Variants in MINDY4 observed in about 807,000 individuals in gnomAD.
MINDY4 encodes probable ubiquitin carboxyl-terminal hydrolase MINDY-4.
A neutral mutation model predicts 87.0 loss-of-function variants in MINDY4; 68 were observed. The ratio of observed to expected loss-of-function variants is 0.78; its 90% CI spans 0.64 to 0.96. The LOEUF (loss-of-function observed/expected upper bound fraction) is 0.96. MINDY4 is among the 40% of genes least tolerant of loss of function. The pLI, the probability that MINDY4 is intolerant of heterozygous loss-of-function variation, is 0.00. For missense variants in MINDY4, 919 were observed against 928.2 expected, an observed-to-expected ratio of 0.99 and a Z score of 0.13; for synonymous variants, 379 against 363.2, an observed-to-expected ratio of 1.04 and a Z score of -0.50.
chr7:30,840,654 A>C, intron 8 of MINDY4, 106 bp from the exon 9 acceptor site: 889 of 719,422 alleles, frequency 1.2e-3, no homozygotes, highest in Non-Finnish European at 1.7e-3. Context: ...TGCAGAAGGC[A>C]GGGCCCCTTT....
Position 30,842,905 on chromosome 7 carries a change from G to T in MINDY4, c.1445+2057G>T, listed in dbSNP as rs180921626. Among the ~76,000 whole-genome samples, 206 of 152,222 alleles carry T rather than the reference G, an allele frequency of 1.4e-3. 1 individual carries two copies. The highest frequency in any genetic ancestry group is 4.5e-3 in the African/African-American group (187 of 41,526). On this transcript the variant is annotated intron_variant, in intron 9 of 17. Coordinates refer to ENST00000265299, the MANE Select transcript of MINDY4 (RefSeq NM_032222.3). The stretch of plus-strand genomic sequence containing the variant: ...GCTGTGCCTGCTGGCTCCTCTCATT[G>T]CACAGAGGCCACATCTTTGTGGAGG...
chr7:30,887,674 C>G (rs543752030), intron 17 of MINDY4, among the ~76,000 whole-genome samples: 3 of 152,196 alleles, frequency 2.0e-5, no homozygotes, highest in African/African-American at 7.2e-5. Flanking sequence ...TGGTGGGGGT[C>G]GTGTTCATGC....
intron 4 of MINDY4, among the ~76,000 whole-genome samples, chr7:30,789,435 C>T (rs754536735): frequency 2.0e-5 from 3 of 152,140 alleles, no homozygotes; most frequent in Admixed American, 1.3e-4. Flanking sequence ...GTACCTTGGC[C>T]GTACTTATTG....
chr7:30,808,939 GA>G (rs772659888), intron 5 of MINDY4, among the ~76,000 whole-genome samples: 1,376 of 57,712 alleles, frequency 0.024, 12 homozygotes, highest in South Asian at 0.039. Context: ...CAAGGAGAGA[GA>G]GAGAGAGAGA....
Position 30,841,573 on chromosome 7 carries a change from C to T in MINDY4, c.1445+725C>T, listed in dbSNP as rs149922924. ...GCCTCTCTTTCCCTCCCTGCAGGCC[C>T]GGTTACCAGCTTGTACCGAGTCACC... is the stretch of plus-strand genomic sequence containing the variant. On this transcript the variant is annotated intron_variant, in intron 9 of 17. Coordinates refer to ENST00000265299, the MANE Select transcript of MINDY4 (RefSeq NM_032222.3). Among the ~76,000 whole-genome samples the T allele has an allele frequency of 3.3e-3, 504 of 152,198 alleles. 4 individuals are homozygous for T. Among genetic ancestry groups the T allele is most frequent in the African/African-American group, 0.011 (470 of 41,518 alleles).
At chr7:30,839,403 G>A in intron 8 of MINDY4, 87 bp downstream of exon 8, 1 of 760,004 alleles carries the variant, frequency 1.3e-6, no homozygotes, top group Non-Finnish European at 2.1e-6. Flanking sequence ...GGTTAATCCT[G>A]TGAGCATTAG....
At chr7:30,792,056 T>C (rs1040423548) in intron 5 of MINDY4, among the ~76,000 whole-genome samples, 1 of 152,142 alleles carries the variant, frequency 6.6e-6, no homozygotes, top group African/African-American at 2.4e-5. Flanking sequence ...TGGCTAAGAG[T>C]TTCTTGTGGG....
intron 5 of MINDY4, among the ~76,000 whole-genome samples, chr7:30,804,406 A>G (rs1787746497): frequency 6.6e-6 from 1 of 152,172 alleles, no homozygotes. Context: ...AATACATGGT[A>G]TTTAATTTTA....
chr7:30,870,785 C>T (rs1244301018), intron 13 of MINDY4, among the ~76,000 whole-genome samples: 1 of 152,214 alleles, frequency 6.6e-6, no homozygotes, highest in Non-Finnish European at 1.5e-5. Flanking sequence ...AAAATAAATG[C>T]TCTGATTGCT....
intron 1 of MINDY4, 87 bp from the exon 2 acceptor site, chr7:30,778,345 A>G: frequency 6.5e-7 from 1 of 1,530,612 alleles, no homozygotes. Context: ...TATCTTGGTG[A>G]ACATCAGGAA....
At chr7:30,778,639 G>A in intron 2 of MINDY4, 88 bp downstream of exon 2, 5 of 1,473,216 alleles carry the variant, frequency 3.4e-6, no homozygotes, top group African/African-American at 1.4e-5. Flanking sequence ...TGACAGGAGA[G>A]GCTTGAGGTT....
chr7:30,883,940 A>G (rs1454171105), intron 17 of MINDY4, among the ~76,000 whole-genome samples: 3 of 152,140 alleles, frequency 2.0e-5, no homozygotes, highest in Non-Finnish European at 4.4e-5. Context: ...GGGGTGATGC[A>G]TACCTTTCTC....
At chr7:30,804,422 C>A (rs1787746564) in intron 5 of MINDY4, among the ~76,000 whole-genome samples, 1 of 152,124 alleles carries the variant, frequency 6.6e-6, no homozygotes, top group African/African-American at 2.4e-5. Context: ...TTTTATTCAA[C>A]AAAGCATTTA....
intron 5 of MINDY4, among the ~76,000 whole-genome samples, chr7:30,797,277 C>T (rs6946714): frequency 0.11 from 17,323 of 152,118 alleles, 1,050 homozygotes; most frequent in East Asian, 0.21. Flanking sequence ...TCCAGTGAGA[C>T]GAGGCAGCCC....
intron 5 of MINDY4, among the ~76,000 whole-genome samples, chr7:30,801,013 G>A (rs1182975297): frequency 6.6e-6 from 1 of 152,184 alleles, no homozygotes; most frequent in African/African-American, 2.4e-5. Context: ...CAGTCCAGGG[G>A]GAGAGAGACA....
chr7:30,889,745 G>A (rs1003916312), intron 17 of MINDY4, among the ~76,000 whole-genome samples: 5 of 152,150 alleles, frequency 3.3e-5, no homozygotes, highest in African/African-American at 4.8e-5. Flanking sequence ...AGTAAGTGAT[G>A]ATGCTGGCAT....
chr7:30,859,261 A>C lies in MINDY4; in HGVS notation c.1682A>C (p.Glu561Ala). ...ATTTTTCTCTCCCCCTCCCAGTTTGAAGTGGGCCCCTATGGCTGCATCCTG... is the reference window on the plus strand; with the variant it reads ...ATTTTTCTCTCCCCCTCCCAGTTTGCAGTGGGCCCCTATGGCTGCATCCTG... ...TFLQQSIHQF[E>A]VGPYGCILLT... The change falls in exon 13 of 18, where the codon GAA becomes GCA. Residue 561 changes from glutamate to alanine, a missense_variant. By Grantham distance (107) the Glu-to-Ala change is moderately radical. Transcript: ENST00000265299. The C allele has an allele frequency of 6.2e-7, 1 of 1,613,968 alleles. No homozygotes were observed. The highest frequency in any genetic ancestry group is 8.5e-7 in the Non-Finnish European group (1 of 1,179,922).
intron 9 of MINDY4, among the ~76,000 whole-genome samples, chr7:30,846,575 C>T (rs770684329): frequency 1.1e-4 from 16 of 152,150 alleles, no homozygotes; most frequent in African/African-American, 3.4e-4. Context: ...TGAAGGCGTG[C>T]GCTGAGCTAT....
At chr7:30,859,458 A>G (rs59146446) in intron 13 of MINDY4, 134 bp downstream of exon 13, 98,322 of 836,858 alleles carry the variant, frequency 0.12, 7,314 homozygotes, top group African/African-American at 0.27. Flanking sequence ...TGAATGAAGC[A>G]GTGGAGTAGG....
Sources: allele counts gnomAD v4.1 joint callset (sites outside exome capture counted in the v4.1 genomes callset), GRCh38; gene constraint gnomAD v4.1.1; transcripts MANE v1.5; gene names NCBI Gene and HGNC (gene_info 2026-07-23, HGNC 2026-07-21).